The following TBX22 variants were observed in gnomAD, a reference collection of about 807,000 sequenced individuals.
The protein encoded by TBX22 is T-box transcription factor 22, also known as T-box transcription factor TBX22.
A neutral mutation model predicts 30.1 loss-of-function variants in TBX22; 8 were observed. That is an observed-to-expected ratio of 0.27 (90% CI 0.16 to 0.48). TBX22 has a LOEUF of 0.48. Ranked by LOEUF, TBX22 falls within the 20% of genes least tolerant of loss-of-function variation. The pLI, the probability that TBX22 is intolerant of heterozygous loss-of-function variation, is 0.99. For missense variants in TBX22, 463 were observed against 400.5 expected, an observed-to-expected ratio of 1.16 and a Z score of -1.33; for synonymous variants, 173 against 149.1, an observed-to-expected ratio of 1.16 and a Z score of -1.17.
Position 80,027,982 on chromosome X carries a change from C to CT in TBX22, c.864-3dup. On this transcript the variant is annotated splice_polypyrimidine_tract_variant and intron_variant, in intron 7 of 8. Coordinates refer to ENST00000373296, the MANE Select transcript of TBX22 (RefSeq NM_001109878.2). ...TCTGGGGATGCTGAAAGTTGACTCT[C>CT]TTTTTTAGGGGTGTATTGGATGGGC... is the stretch of plus-strand genomic sequence containing the variant. 3 of 1,196,369 alleles carry CT rather than the reference C, an allele frequency of 2.5e-6. No individual in the cohort carries two copies. The highest frequency in any genetic ancestry group is 3.4e-6 in the Non-Finnish European group (3 of 881,769).
At chrX:80,017,984 C>T (rs1923525812) in intron 1 of TBX22, among the ~76,000 whole-genome samples, 2 of 111,965 alleles carry the variant, frequency 1.8e-5, no homozygotes. Context: ...CAATCCTCCC[C>T]ATGAGAAGAA....
At chrX:80,020,958 A>T (rs1602407217) in intron 1 of TBX22, among the ~76,000 whole-genome samples, 1 of 111,649 alleles carries the variant, frequency 9.0e-6, no homozygotes, top group African/African-American at 3.3e-5. Flanking sequence ...GGGGCACTTG[A>T]TTTCTTATTT....
chrX:80,023,012 G>C, intron 2 of TBX22, 48 bp from the exon 3 acceptor site: 1 of 1,175,595 alleles, frequency 8.5e-7, no homozygotes, highest in Non-Finnish European at 1.2e-6. Flanking sequence ...GTGGGCATGT[G>C]AACTGTGACG....
In TBX22 at chrX:80,030,917, A is replaced by G. The variant is rs1041301641; in HGVS notation, c.1369A>G (p.Asn457Asp). Residue 457 changes from asparagine (N) to aspartate (D), a missense_variant, in exon 9 of 9, where the codon AAC (asparagine) becomes GAC (aspartate). Asn to Asp is a conservative substitution (Grantham distance 23, BLOSUM62 1). Coordinates refer to ENST00000373296, the MANE Select transcript of TBX22 (RefSeq NM_001109878.2). ...GTCACCTGGAAATATTTTTCTGCCA[A>G]ACTCCATCACCCCAGAAGCACTTAG... ...LQSPGNIFLPNSITPEALSCS... is the reference protein window; with the variant it reads ...LQSPGNIFLPDSITPEALSCS... 4.1e-6 allele frequency: 5 copies of G among 1,209,990 alleles called. No homozygotes were observed. In the African/African-American group the frequency reaches 8.7e-5, roughly 21 times the overall value.
chrX:80,030,533 G>C lies in TBX22; in HGVS notation c.985G>C (p.Gly329Arg), dbSNP rs1459916896. 2.5e-6 allele frequency: 3 copies of C among 1,209,266 alleles called. No individual in the cohort carries two copies. The highest frequency in any genetic ancestry group is 3.4e-6 in the Non-Finnish European group (3 of 894,851). ...TGGCTCATCTCCAGTGACCTCTAGT[G>C]GAGGGGCCCCCTCTCCTTTGAACTC... ...SSGSSPVTSS[G>R]GAPSPLNSLL... Residue 329 changes from glycine to arginine, a missense_variant, in exon 9 of 9, where the codon GGA (glycine) becomes CGA (arginine). Physicochemically the swap from Gly to Arg is moderately radical, Grantham distance 125. Coordinates refer to ENST00000373296, the MANE Select transcript of TBX22 (RefSeq NM_001109878.2).
At position 80,028,024 on chromosome X, in the gene TBX22, A is replaced by G; in HGVS notation, c.897A>G (p.Pro299=). 2 of 1,211,523 alleles carry G rather than the reference A, an allele frequency of 1.7e-6. No individual in the cohort carries two copies. The highest frequency in any genetic ancestry group is 1.1e-6 in the Non-Finnish European group (1 of 895,142). Residue 299 remains proline, a synonymous_variant, in exon 8 of 9, where the codon CCA becomes CCG. Coordinates refer to ENST00000373296, the MANE Select transcript of TBX22 (RefSeq NM_001109878.2). ...TGGATGGGCTTTTAGAGACCTACCC[A>G]TGGAGGCCTTCTTTCACTCTCGATT... ...GVLDGLLETY[P]WRPSFTLDFK...
At chrX:80,023,023 C>T (rs1318974460) in intron 2 of TBX22, 37 bp from the exon 3 acceptor site, 1 of 1,196,834 alleles carries the variant, frequency 8.4e-7, no homozygotes, top group Admixed American at 2.2e-5. Context: ...AACTGTGACG[C>T]TCTCTCAAAC....
At chrX:80,027,475 T>G (rs1924036600) in intron 7 of TBX22, among the ~76,000 whole-genome samples, 155 bp downstream of exon 7, 1 of 109,474 alleles carries the variant, frequency 9.1e-6, no homozygotes, top group African/African-American at 3.3e-5. Flanking sequence ...ACCTCCCTGG[T>G]TCAAGCAATT....
At chrX:80,024,371 GC>G (rs1447503794) in intron 4 of TBX22, among the ~76,000 whole-genome samples, 1 of 111,371 alleles carries the variant, frequency 9.0e-6, no homozygotes, top group African/African-American at 3.3e-5. Flanking sequence ...TCCTCTCTCT[GC>G]CCCCATCCCC....
chrX:80,015,104 A>G (rs56909837), intron 1 of TBX22, among the ~76,000 whole-genome samples: 26,314 of 110,566 alleles, frequency 0.24, 2,409 homozygotes, highest in East Asian at 0.37. Context: ...GAAGTAGAAT[A>G]TTAGTGCTCT....
intron 1 of TBX22, 120 bp from the exon 2 acceptor site, chrX:80,022,148 T>A: frequency 1.5e-6 from 1 of 689,529 alleles, no homozygotes. Flanking sequence ...TGTTTTGTTT[T>A]GTTTTTCCCG....
intron 3 of TBX22, among the ~76,000 whole-genome samples, chrX:80,023,569 C>G (rs1320219596): frequency 9.0e-6 from 1 of 111,479 alleles, no homozygotes; most frequent in Non-Finnish European, 1.9e-5. Flanking sequence ...CTAAGATAAC[C>G]ATGGACAGTA....
Position 80,030,991 on chromosome X carries a change from G to T in TBX22, c.1443G>T (p.Met481Ile). 8.3e-7 allele frequency: 1 copy of T among 1,211,719 alleles called. No homozygotes were observed. The highest frequency in any genetic ancestry group is 1.1e-6 in the Non-Finnish European group (1 of 895,383). Residue 481 changes from methionine to isoleucine, a missense_variant, in exon 9 of 9, where the codon ATG (methionine) becomes ATT (isoleucine). Met to Ile is a conservative substitution (Grantham distance 10). Coordinates refer to ENST00000373296, the MANE Select transcript of TBX22 (RefSeq NM_001109878.2). ...ACTTTTATAGATACAATTTCTCTAT[G>T]CCATCTAGACTGATAAGTGGTTCCA... ...SYDFYRYNFS[M>I]PSRLISGSNH...
At chrX:80,028,253 C>T (rs950877738) in intron 8 of TBX22, among the ~76,000 whole-genome samples, 177 bp downstream of exon 8, 5 of 112,044 alleles carry the variant, frequency 4.5e-5, no homozygotes, top group African/African-American at 1.6e-4. Context: ...GGGAGAGAAG[C>T]TGGCATGAAG....
In TBX22 at chrX:80,030,354, G is replaced by A. The variant is rs961673345; in HGVS notation, c.950-144G>A. 8 of 738,640 alleles carry A rather than the reference G, an allele frequency of 1.1e-5. No homozygotes were observed. In the African/African-American group the frequency reaches 1.4e-4, roughly 13 times the overall value. The allele number at this position is 738,640 out of a possible 1,213,427, so 60.9% of individuals were successfully genotyped here. A position where few individuals can be genotyped will look rare whatever the true frequency, so the allele number is the denominator to read the frequency against. ...TTAGTCAGAGGAATGAGCAGGTCCT[G>A]TCTCAAAGAAGCTAAAAGAACTGTG... is the stretch of plus-strand genomic sequence containing the variant. On this transcript the variant is annotated intron_variant, in intron 8 of 8. Coordinates refer to ENST00000373296, the MANE Select transcript of TBX22 (RefSeq NM_001109878.2).
rs1923807959 is a variant in TBX22 at position 80,023,205 on chromosome X, C to T, written c.321C>T (p.Asp107=). ...CTGAACTGTGGAAAAGATTCCATGA[C>T]ATCGGGACTGAGATGATCATTACTA... ...QGSELWKRFH[D]IGTEMIITKA... Residue 107 remains aspartate (D), a synonymous_variant, in exon 3 of 9, where the codon GAC becomes GAT. Transcript: ENST00000373296. The T allele has an allele frequency of 2.5e-6, 3 of 1,211,666 alleles. No individual in the cohort carries two copies. Among genetic ancestry groups the T allele is most frequent in the Non-Finnish European group, 2.2e-6 (2 of 895,381 alleles).
intron 7 of TBX22, 54 bp downstream of exon 7, chrX:80,027,374 G>GTTTTTT: frequency 1.9e-5 from 8 of 424,803 alleles, no homozygotes; most frequent in African/African-American, 3.1e-5. Context: ...ATTTTCACAA[G>GTTTTTT]TTTTTTTTTT....
At chrX:80,027,637 A>G (rs1924044753) in intron 7 of TBX22, among the ~76,000 whole-genome samples, 1 of 112,157 alleles carries the variant, frequency 8.9e-6, no homozygotes, top group Non-Finnish European at 1.9e-5. Context: ...TCAGCCTCCC[A>G]AAGTGCTGGG....
chrX:80,026,489 T>A (rs781448679), intron 5 of TBX22, among the ~76,000 whole-genome samples: 15 of 111,740 alleles, frequency 1.3e-4, no homozygotes, highest in African/African-American at 4.9e-4. Context: ...AATCTGGAAA[T>A]GGAATCACTG....
Sources: allele counts gnomAD v4.1 joint callset (sites outside exome capture counted in the v4.1 genomes callset), GRCh38; gene constraint gnomAD v4.1.1; transcripts MANE v1.5; gene names NCBI Gene and HGNC (gene_info 2026-07-23, HGNC 2026-07-21).